The following TRIM44 variants were observed in gnomAD, a reference collection of about 807,000 sequenced individuals.
The protein encoded by TRIM44 is tripartite motif-containing protein 44.
Under a neutral mutation model 37.4 loss-of-function variants are expected in TRIM44, and 13 were observed. That is an observed-to-expected ratio of 0.35 (90% CI 0.23 to 0.55). TRIM44 has a LOEUF of 0.55. Ranked by LOEUF, TRIM44 falls within the 20% of genes least tolerant of loss-of-function variation. The pLI, the probability that TRIM44 is intolerant of heterozygous loss-of-function variation, is 0.89. For missense variants in TRIM44, 426 were observed against 437.2 expected (o/e 0.97, Z 0.23); for synonymous variants, 175 against 157.2 (o/e 1.11, Z -0.85).
At chr11:35,700,704 A>G (rs1390311063) in intron 2 of TRIM44, among the ~76,000 whole-genome samples, 2 of 152,106 alleles carry the variant, frequency 1.3e-5, no homozygotes, top group Non-Finnish European at 2.9e-5. Context: ...CTTATATAAA[A>G]TCTCTTTTCT....
chr11:35,734,840 A>G (rs75667066), intron 3 of TRIM44, among the ~76,000 whole-genome samples: 2,411 of 152,346 alleles, frequency 0.016, 120 homozygotes, highest in East Asian at 0.14. Flanking sequence ...AGAACTAACC[A>G]CTTACGGAGG....
Position 35,806,540 on chromosome 11 carries a change from A to T in TRIM44, c.*155A>T. 1 of 767,578 alleles carries T rather than the reference A, an allele frequency of 1.3e-6. No individual in the cohort carries two copies. The highest frequency in any genetic ancestry group is 2.2e-6 in the Non-Finnish European group (1 of 451,348). 47.5% of individuals were successfully genotyped at this position (767,578 alleles called of 1,614,324 possible). On this transcript the variant is annotated 3_prime_UTR_variant, in exon 5 of 5. Coordinates refer to ENST00000299413, the MANE Select transcript of TRIM44 (RefSeq NM_017583.6). Reference sequence around the variant, plus strand: ...TCCACAGCAGGCACATATCTCTCCAAGGGATGACCAGTTTTATGCTTACTG... The same window carrying T: ...TCCACAGCAGGCACATATCTCTCCATGGGATGACCAGTTTTATGCTTACTG...
chr11:35,667,426 G>A (rs1175002089), intron 1 of TRIM44, among the ~76,000 whole-genome samples: 1 of 152,224 alleles, frequency 6.6e-6, no homozygotes, highest in Non-Finnish European at 1.5e-5. Flanking sequence ...CTGGAATGCA[G>A]TGGTGGGAGC....
intron 4 of TRIM44, among the ~76,000 whole-genome samples, chr11:35,778,028 C>T (rs563269590): frequency 6.6e-6 from 1 of 152,332 alleles, no homozygotes; most frequent in East Asian, 1.9e-4. Context: ...GGAAGTTCTC[C>T]TGGATAAAAT....
At chr11:35,749,734 A>G (rs1852538803) in intron 4 of TRIM44, among the ~76,000 whole-genome samples, 1 of 152,242 alleles carries the variant, frequency 6.6e-6, no homozygotes, top group South Asian at 2.1e-4. Context: ...TAAAACTATG[A>G]GGTTACCCTT....
In TRIM44 at chr11:35,726,074, C is replaced by A; in HGVS notation, c.898C>A (p.Gln300Lys). 6.2e-7 allele frequency: 1 copy of A among 1,614,128 alleles called. No homozygotes were observed. The highest frequency in any genetic ancestry group is 8.5e-7 in the Non-Finnish European group (1 of 1,180,014). The change falls in exon 3 of 5, where the codon CAA (glutamine) becomes AAA (lysine). Residue 300 changes from glutamine (Q) to lysine (K), a missense_variant. By Grantham distance (53) the Gln-to-Lys change is moderately conservative. Around this residue, in one of 2 missense-constraint regions of TRIM44, gnomAD observed 95 missense variants for 134.2 expected, o/e 0.71. Coordinates refer to ENST00000299413, the MANE Select transcript of TRIM44 (RefSeq NM_017583.6). ...TGTGACTGAGATACTGGCAGACATC[C>A]AATCCCACATGGATAGGTTGATGAC... ...AHVTEILADI[Q>K]SHMDRLMTQM...
At chr11:35,672,919 C>T (rs151071530) in intron 1 of TRIM44, among the ~76,000 whole-genome samples, 3 of 152,238 alleles carry the variant, frequency 2.0e-5, no homozygotes, top group Non-Finnish European at 2.9e-5. Context: ...ATAAGACAAA[C>T]GCTAAGACCA....
intron 2 of TRIM44, among the ~76,000 whole-genome samples, chr11:35,705,015 C>A (rs1851857131): frequency 6.8e-6 from 1 of 147,988 alleles, no homozygotes; most frequent in Non-Finnish European, 1.5e-5. Context: ...TTCAGGAAAC[C>A]CATCTCACGT....
intron 3 of TRIM44, among the ~76,000 whole-genome samples, chr11:35,734,226 A>G (rs1852301902): frequency 6.6e-6 from 1 of 152,154 alleles, no homozygotes; most frequent in Admixed American, 6.5e-5. Flanking sequence ...ATCCTACTGA[A>G]TTGTTACTGA....
intron 3 of TRIM44, among the ~76,000 whole-genome samples, chr11:35,726,516 A>G (rs1852177204): frequency 1.3e-5 from 2 of 152,270 alleles, no homozygotes; most frequent in South Asian, 4.1e-4. Context: ...CTGAATGAGA[A>G]CAAATCATGA....
intron 4 of TRIM44, among the ~76,000 whole-genome samples, chr11:35,758,004 G>A (rs1412077200): frequency 1.3e-5 from 2 of 152,182 alleles, no homozygotes; most frequent in Non-Finnish European, 1.5e-5. Context: ...TTCTGTAGAT[G>A]TCTATTAGGT....
chr11:35,681,786 A>G (rs1036990957), intron 1 of TRIM44, among the ~76,000 whole-genome samples: 1 of 152,102 alleles, frequency 6.6e-6, no homozygotes, highest in Non-Finnish European at 1.5e-5. Flanking sequence ...CTATGGAACA[A>G]ATGAGGATAT....
intron 4 of TRIM44, among the ~76,000 whole-genome samples, chr11:35,804,464 C>T (rs1025996423): frequency 1.8e-4 from 28 of 152,170 alleles, no homozygotes; most frequent in Admixed American, 6.5e-5. Context: ...TCATTAGGTC[C>T]ATGAACGTTT....
chr11:35,810,647 G>GA lies in TRIM44; in HGVS notation c.*4263dup, dbSNP rs1356334873. ...GAGCAGAAAAATGAAAATAAGTGGA[G>GA]ACACTTATGGATACATTGGTGCAAA... On this transcript the variant is annotated 3_prime_UTR_variant, in exon 5 of 5. Transcript: ENST00000299413. The GA allele has an allele frequency of 6.6e-6, 1 of 152,158 alleles. No homozygotes were observed. Among genetic ancestry groups the GA allele is most frequent in the Non-Finnish European group, 1.5e-5 (1 of 68,038 alleles). The allele number at this position is 152,158 out of a possible 1,614,324, so 9.4% of individuals were successfully genotyped here. A position where few individuals can be genotyped will look rare whatever the true frequency, so the allele number is the denominator to read the frequency against.
chr11:35,757,116 G>A (rs1844950007), intron 4 of TRIM44, among the ~76,000 whole-genome samples: 1 of 152,178 alleles, frequency 6.6e-6, no homozygotes, highest in Non-Finnish European at 1.5e-5. Context: ...GAATTCAGCT[G>A]TGAATCCATC....
At chr11:35,708,157 T>C (rs1851914105) in intron 2 of TRIM44, among the ~76,000 whole-genome samples, 1 of 152,102 alleles carries the variant, frequency 6.6e-6, no homozygotes, top group Non-Finnish European at 1.5e-5. Flanking sequence ...CATGAAAAAA[T>C]GCTCATCATC....
At chr11:35,750,860 A>C (rs998356953) in intron 4 of TRIM44, among the ~76,000 whole-genome samples, 1 of 152,196 alleles carries the variant, frequency 6.6e-6, no homozygotes, top group Non-Finnish European at 1.5e-5. Flanking sequence ...TCAGGGGTAT[A>C]GAAAATGAAG....
intron 1 of TRIM44, among the ~76,000 whole-genome samples, chr11:35,674,520 A>G (rs552415621): frequency 4.3e-4 from 65 of 152,338 alleles, no homozygotes; most frequent in African/African-American, 1.4e-3. Flanking sequence ...GAACATTTAT[A>G]TATTAAACCC....
chr11:35,790,690 C>T (rs1169644253), intron 4 of TRIM44, among the ~76,000 whole-genome samples: 1 of 152,154 alleles, frequency 6.6e-6, no homozygotes, highest in African/African-American at 2.4e-5. Context: ...CATCTCTTTG[C>T]TGTCTACATC....
Sources: gnomAD v4.1 joint callset for allele counts (sites outside exome capture counted in the v4.1 genomes callset) on GRCh38, gnomAD v4.1.1 for gene constraint, gnomAD v4.1.1 regional missense constraint, MANE v1.5 for transcripts, NCBI Gene and HGNC (gene_info 2026-07-23, HGNC 2026-07-21) for gene names.